The following YAP1 variants were observed in gnomAD, a reference collection of about 807,000 sequenced individuals.
The protein encoded by YAP1 is Yes1 associated transcriptional regulator.
A neutral mutation model predicts 56.9 loss-of-function variants in YAP1; 5 were observed. That is an observed-to-expected ratio of 0.09 (90% CI 0.05 to 0.18). The LOEUF is 0.18. YAP1 is among the 10% of genes least tolerant of loss of function. YAP1 has a pLI of 1.00. For synonymous variants in YAP1, 265 were observed against 248.1 expected (o/e 1.07, Z -0.64); for missense variants, 539 against 651.8 (o/e 0.83, Z 1.88).
intron 5 of YAP1, among the ~76,000 whole-genome samples, chr11:102,208,463 G>T (rs1027640386): frequency 1.3e-5 from 2 of 152,106 alleles, no homozygotes; most frequent in Admixed American, 6.5e-5. Flanking sequence ...CCCCTATAAA[G>T]TGATCTTGAA....
At chr11:102,222,960 T>C (rs995530699) in intron 6 of YAP1, among the ~76,000 whole-genome samples, 16 of 151,760 alleles carry the variant, frequency 1.1e-4, no homozygotes, top group Non-Finnish European at 1.6e-4. Context: ...ATTATTTTTT[T>C]AGGGCCGGGC....
chr11:102,222,831 A>G (rs1320942822), intron 6 of YAP1, among the ~76,000 whole-genome samples: 2 of 151,390 alleles, frequency 1.3e-5, no homozygotes, highest in East Asian at 3.9e-4. Flanking sequence ...TTGGTGTCTT[A>G]TAGTAAAATC....
intron 2 of YAP1, among the ~76,000 whole-genome samples, chr11:102,157,320 A>G (rs1382155839): frequency 1.3e-5 from 2 of 152,208 alleles, no homozygotes; most frequent in Admixed American, 6.5e-5. Context: ...ACTGTGGCTC[A>G]TGGAAGGATT....
At chr11:102,215,873 T>G (rs781126287) in intron 6 of YAP1, among the ~76,000 whole-genome samples, 1 of 152,224 alleles carries the variant, frequency 6.6e-6, no homozygotes, top group Non-Finnish European at 1.5e-5. Context: ...TTAGTAGACA[T>G]GGGATAGGGA....
At chr11:102,225,566 T>C (rs1477636534) in intron 7 of YAP1, among the ~76,000 whole-genome samples, 1 of 152,164 alleles carries the variant, frequency 6.6e-6, no homozygotes, top group Admixed American at 6.5e-5. Context: ...TTCCTTAAGC[T>C]CTAAATACTT....
chr11:102,219,023 A>G (rs943706020), intron 6 of YAP1, among the ~76,000 whole-genome samples: 10 of 152,230 alleles, frequency 6.6e-5, no homozygotes, highest in Admixed American at 6.5e-5. Context: ...TGAAAATTAT[A>G]GCCAATTCAG....
chr11:102,201,762 AT>A (rs974342654), intron 4 of YAP1, among the ~76,000 whole-genome samples: 2 of 152,214 alleles, frequency 1.3e-5, no homozygotes, highest in African/African-American at 4.8e-5. Context: ...AATTGGAAAT[AT>A]GCATTTTCTG....
At chr11:102,208,205 A>G (rs1306393845) in intron 5 of YAP1, among the ~76,000 whole-genome samples, 3 of 152,180 alleles carry the variant, frequency 2.0e-5, no homozygotes, top group African/African-American at 7.2e-5. Flanking sequence ...GGGCCCATTC[A>G]TTCTTCCTAA....
At chr11:102,206,846 A>G (rs1489423698) in intron 5 of YAP1, among the ~76,000 whole-genome samples, 3 of 152,196 alleles carry the variant, frequency 2.0e-5, no homozygotes, top group Admixed American at 1.3e-4. Flanking sequence ...TGTCTCAAAA[A>G]CAAAAAGTTA....
At chr11:102,215,885 A>G (rs1042944468) in intron 6 of YAP1, among the ~76,000 whole-genome samples, 1 of 152,194 alleles carries the variant, frequency 6.6e-6, no homozygotes, top group African/African-American at 2.4e-5. Flanking sequence ...GGATAGGGAA[A>G]TTGCATATAT....
At chr11:102,191,586 ATAG>A (rs1156796732) in intron 4 of YAP1, among the ~76,000 whole-genome samples, 2 of 152,224 alleles carry the variant, frequency 1.3e-5, no homozygotes, top group Non-Finnish European at 2.9e-5. Flanking sequence ...AGGGAGAAAA[ATAG>A]TGGTTAATGC....
At position 102,110,938 on chromosome 11, in the gene YAP1, G is replaced by T; in HGVS notation, c.90G>T (p.Pro30=). The T allele has an allele frequency of 6.7e-7, 1 of 1,489,190 alleles. No homozygotes were observed. Among genetic ancestry groups the T allele is most frequent in the Non-Finnish European group, 8.9e-7 (1 of 1,121,904 alleles). The allele number at this position is 1,489,190 out of a possible 1,614,324, so 92.2% of individuals were successfully genotyped here. ...AGCCCCCGCAGGGGCAGGGCCCGCC[G>T]TCCGGACCCGGGCAACCGGCACCCG... ...PSQPPQGQGP[P]SGPGQPAPAA... Residue 30 remains proline (P), a synonymous_variant, in exon 1 of 9, where the codon CCG becomes CCT. Coordinates refer to ENST00000282441, the MANE Select transcript of YAP1 (RefSeq NM_001130145.3).
intron 4 of YAP1, 93 bp from the exon 5 acceptor site, chr11:102,205,800 G>T: frequency 7.8e-7 from 1 of 1,289,448 alleles, no homozygotes; most frequent in Non-Finnish European, 1.0e-6. Flanking sequence ...AAGTTACATC[G>T]AATATCCCAA....
At chr11:102,198,837 G>A (rs1412818162) in intron 4 of YAP1, among the ~76,000 whole-genome samples, 2 of 152,048 alleles carry the variant, frequency 1.3e-5, no homozygotes, top group South Asian at 2.1e-4. Flanking sequence ...TTGAAACACC[G>A]AGAAGATGTT....
chr11:102,200,721 A>T (rs1166728558), intron 4 of YAP1, among the ~76,000 whole-genome samples: 1 of 152,196 alleles, frequency 6.6e-6, no homozygotes, highest in Non-Finnish European at 1.5e-5. Context: ...CTGGGATTAC[A>T]GGCATGAGCC....
intron 2 of YAP1, among the ~76,000 whole-genome samples, chr11:102,136,203 T>C (rs899895710): frequency 1.3e-5 from 2 of 152,246 alleles, no homozygotes; most frequent in Non-Finnish European, 2.9e-5. Flanking sequence ...TATTTTCATA[T>C]ACATTTTGGT....
chr11:102,163,992 T>A (rs113410554), intron 3 of YAP1, among the ~76,000 whole-genome samples: 2,964 of 152,248 alleles, frequency 0.019, 92 homozygotes, highest in African/African-American at 0.068. Context: ...ATACTACGAA[T>A]ACATTCTCAG....
chr11:102,207,941 C>T (rs1451550582), intron 5 of YAP1, among the ~76,000 whole-genome samples: 1 of 152,208 alleles, frequency 6.6e-6, no homozygotes, highest in African/African-American at 2.4e-5. Context: ...TGCCAAAGCA[C>T]AGGATGAGGC....
chr11:102,142,632 T>G (rs1385596367), intron 2 of YAP1, among the ~76,000 whole-genome samples: 1 of 152,244 alleles, frequency 6.6e-6, no homozygotes, highest in African/African-American at 2.4e-5. Context: ...AGTTTTAGAC[T>G]GTTTTGATTG....
Sources: allele counts gnomAD v4.1 joint callset (sites outside exome capture counted in the v4.1 genomes callset), GRCh38; gene constraint gnomAD v4.1.1; transcripts MANE v1.5; gene names NCBI Gene and HGNC (gene_info 2026-07-23, HGNC 2026-07-21).